The following PREP variants were observed in gnomAD, a reference collection of about 807,000 sequenced individuals.
PREP encodes dJ355L5.1 (prolyl endopeptidase).
Under a neutral mutation model 87.6 loss-of-function variants are expected in PREP, and 29 were observed. The observed-to-expected ratio is 0.33, with a 90% confidence interval of 0.25 to 0.45. The LOEUF (loss-of-function observed/expected upper bound fraction) is 0.45, where lower values mean the gene tolerates loss of function less well. PREP is among the 20% of genes least tolerant of loss of function. The probability of loss-of-function intolerance (pLI) is 1.00; values close to 1 mark genes in which losing one functional copy is unlikely to be tolerated. For synonymous variants in PREP, 337 were observed against 328.6 expected (o/e 1.03, Z -0.28); for missense variants, 695 against 886.5 (o/e 0.78, Z 2.74).
Position 105,282,474 on chromosome 6 carries a change from C to A in PREP, c.1658G>T (p.Gly553Val). 13 of 1,613,962 alleles carry A rather than the reference C, an allele frequency of 8.1e-6. No individual in the cohort carries two copies. Among genetic ancestry groups the A allele is most frequent in the Non-Finnish European group, 1.1e-5 (13 of 1,179,970 alleles). ...TSPKRLTING[G>V]SNGGLLVAAC... Reference sequence around the variant, plus strand: ...ACCCACTAAGAGGCCTCCATTTGAACCTCCATTAATAGTCAGCCTCTTGGG... The same window carrying A: ...ACCCACTAAGAGGCCTCCATTTGAAACTCCATTAATAGTCAGCCTCTTGGG... Residue 553 changes from glycine (G) to valine (V), a missense_variant, in exon 13 of 15, where the codon GGT becomes GTT. This residue lies in a region of PREP where 20 missense variants were observed against 58.9 expected (regional missense o/e 0.34). Transcript: ENST00000652536.
chr6:105,397,366 T>C (rs1562230932), intron 2 of PREP, among the ~76,000 whole-genome samples: 1 of 152,006 alleles, frequency 6.6e-6, no homozygotes, highest in East Asian at 1.9e-4. Context: ...CAGAAAATGC[T>C]CCCCCCTGCC....
At chr6:105,343,900 G>T (rs1771729024) in intron 7 of PREP, among the ~76,000 whole-genome samples, 1 of 152,194 alleles carries the variant, frequency 6.6e-6, no homozygotes, top group South Asian at 2.1e-4. Context: ...TGGAGAAATA[G>T]GAACACTTTT....
chr6:105,391,620 A>G (rs1773150196), intron 2 of PREP, among the ~76,000 whole-genome samples: 1 of 152,226 alleles, frequency 6.6e-6, no homozygotes, highest in South Asian at 2.1e-4. Flanking sequence ...TAGTACAAAG[A>G]AAAGGGTAGT....
rs201163350 is a variant in PREP, at chr6:105,402,908, G to A, written c.-17C>T. On this transcript the variant is annotated 5_prime_UTR_variant, in exon 1 of 15. Transcript: ENST00000652536. ...GGACAGCATGGCCGGGGACAGGCAGGGGGCAGCGTGGAGGGGCGCGGGCTC... is the reference window on the plus strand; with the variant it reads ...GGACAGCATGGCCGGGGACAGGCAGAGGGCAGCGTGGAGGGGCGCGGGCTC... 12 of 1,466,138 alleles carry A rather than the reference G, an allele frequency of 8.2e-6. No individual in the cohort carries two copies. The highest frequency in any genetic ancestry group is 1.1e-5 in the Non-Finnish European group (12 of 1,088,520). 90.8% of individuals were successfully genotyped at this position (1,466,138 alleles called of 1,614,324 possible).
intron 1 of PREP, among the ~76,000 whole-genome samples, chr6:105,399,545 C>T (rs1773370098): frequency 6.6e-6 from 1 of 152,194 alleles, no homozygotes; most frequent in Non-Finnish European, 1.5e-5. Flanking sequence ...TAAAACCCGA[C>T]TAAAGCCTCT....
At chr6:105,339,695 G>A (rs953916065) in intron 7 of PREP, among the ~76,000 whole-genome samples, 4 of 152,174 alleles carry the variant, frequency 2.6e-5, no homozygotes. Flanking sequence ...GACCTTAAAT[G>A]ACCTGATGGA....
At chr6:105,320,695 CAT>C (rs902846582) in intron 10 of PREP, among the ~76,000 whole-genome samples, 3 of 152,154 alleles carry the variant, frequency 2.0e-5, no homozygotes, top group Non-Finnish European at 2.9e-5. Context: ...AGAAATGAAA[CAT>C]AGCCTGGGAG....
intron 2 of PREP, among the ~76,000 whole-genome samples, chr6:105,380,381 A>G (rs1014221755): frequency 6.6e-6 from 1 of 152,208 alleles, no homozygotes; most frequent in African/African-American, 2.4e-5. Flanking sequence ...GGCACCTGGT[A>G]GGCAGATATG....
At position 105,274,155 on chromosome 6, in the gene PREP, C is replaced by G. The variant is rs1035596343; in HGVS notation, c.*3989G>C. ...ATACCATAAACTGGTGGGTTGTCAA[C>G]AACAGAAATTGCTCTCTCACAGTCC... is the stretch of plus-strand genomic sequence containing the variant. On this transcript the variant is annotated 3_prime_UTR_variant, in exon 15 of 15. Transcript: ENST00000652536. Among the ~76,000 whole-genome samples the G allele has an allele frequency of 6.6e-6, 1 of 152,136 alleles. No homozygotes were observed. The highest frequency in any genetic ancestry group is 6.5e-5 in the Admixed American group (1 of 15,276).
intron 10 of PREP, among the ~76,000 whole-genome samples, chr6:105,294,688 G>A (rs976002156): frequency 3.9e-5 from 6 of 152,122 alleles, no homozygotes; most frequent in African/African-American, 1.4e-4. Flanking sequence ...ACAGCACAAC[G>A]CTCACCCATC....
At chr6:105,330,374 T>C (rs1771295037) in intron 8 of PREP, among the ~76,000 whole-genome samples, 1 of 152,142 alleles carries the variant, frequency 6.6e-6, no homozygotes, top group African/African-American at 2.4e-5. Flanking sequence ...ATGAAAGGTA[T>C]TTCCCAAGAA....
chr6:105,341,241 A>G (rs1000302569), intron 7 of PREP, among the ~76,000 whole-genome samples: 2 of 152,240 alleles, frequency 1.3e-5, no homozygotes, highest in Non-Finnish European at 2.9e-5. Flanking sequence ...ACTCACTCAA[A>G]ACTGCTCAAC....
intron 12 of PREP, among the ~76,000 whole-genome samples, chr6:105,284,736 C>T (rs1458848610): frequency 6.6e-6 from 1 of 152,146 alleles, no homozygotes; most frequent in Non-Finnish European, 1.5e-5. Context: ...ATTTCAGATA[C>T]ACAAAAGCCT....
chr6:105,377,733 A>G (rs1349582135), intron 2 of PREP, among the ~76,000 whole-genome samples: 1 of 152,230 alleles, frequency 6.6e-6, no homozygotes, highest in Admixed American at 6.5e-5. Context: ...CAATGCTTAC[A>G]TGGTACTAAC....
chr6:105,317,131 A>T (rs115156158), intron 10 of PREP, among the ~76,000 whole-genome samples: 346 of 151,574 alleles, frequency 2.3e-3, no homozygotes, highest in African/African-American at 7.2e-3. Context: ...AAATATATAT[A>T]TTTTTTTGTA....
At chr6:105,344,851 C>A (rs1473891416) in intron 7 of PREP, among the ~76,000 whole-genome samples, 2 of 152,130 alleles carry the variant, frequency 1.3e-5, no homozygotes, top group African/African-American at 4.8e-5. Context: ...AAAAAAAAAT[C>A]ATTCAAGCTC....
chr6:105,401,717 A>C (rs1411357602), intron 1 of PREP, among the ~76,000 whole-genome samples: 1 of 152,232 alleles, frequency 6.6e-6, no homozygotes, highest in South Asian at 2.1e-4. Context: ...CCAGATGGCC[A>C]CTGGTCAAAG....
intron 7 of PREP, among the ~76,000 whole-genome samples, chr6:105,346,220 G>A (rs1771792718): frequency 1.3e-5 from 2 of 152,100 alleles, no homozygotes; most frequent in African/African-American, 2.4e-5. Flanking sequence ...AAAGCTTCTC[G>A]AATGTTTATC....
At chr6:105,343,318 A>G (rs1188911333) in intron 7 of PREP, among the ~76,000 whole-genome samples, 1 of 152,244 alleles carries the variant, frequency 6.6e-6, no homozygotes, top group African/African-American at 2.4e-5. Flanking sequence ...AAAACTGGCT[A>G]GCCATATGTA....
Sources: allele counts gnomAD v4.1 joint callset (sites outside exome capture counted in the v4.1 genomes callset), GRCh38; gene constraint gnomAD v4.1.1; regional missense constraint gnomAD v4.1.1; transcripts MANE v1.5; gene names NCBI Gene and HGNC (gene_info 2026-07-23, HGNC 2026-07-21).